Variants in CCNY observed in about 807,000 individuals in gnomAD.
CCNY encodes the protein cyclin-Y.
CCNY carries 19 observed loss-of-function variants against 42.8 expected under a neutral mutation model. The ratio of observed to expected loss-of-function variants is 0.44; its 90% confidence interval spans 0.31 to 0.65. The LOEUF is 0.65. Ranked by LOEUF, CCNY falls within the 30% of genes least tolerant of loss-of-function variation. The pLI, the probability that CCNY is intolerant of heterozygous loss-of-function variation, is 0.07. For missense variants in CCNY, 370 were observed against 437.3 expected (o/e 0.85, Z 1.37); for synonymous variants, 165 against 162.7 (o/e 1.01, Z -0.11).
chr10:35,262,061 G>GAA, intron 3 of CCNY, among the ~76,000 whole-genome samples: 1 of 125,110 alleles, frequency 8.0e-6, no homozygotes, highest in Non-Finnish European at 1.7e-5. Context: ...TCAGGAGTTC[G>GAA]AGACAGCCTG....
chr10:35,502,197 C>G (rs924286518), intron 3 of CCNY, among the ~76,000 whole-genome samples: 1 of 152,176 alleles, frequency 6.6e-6, no homozygotes, highest in Non-Finnish European at 1.5e-5. Context: ...ACTCCACACC[C>G]TATATACCAG....
intron 3 of CCNY, among the ~76,000 whole-genome samples, chr10:35,323,690 A>G (rs1054841723): frequency 2.6e-4 from 40 of 152,218 alleles, no homozygotes; most frequent in African/African-American, 9.4e-4. Flanking sequence ...GATTGTGGTG[A>G]TGGTGGTTAC....
chr10:35,465,385 G>A (rs1839238454), intron 1 of CCNY, among the ~76,000 whole-genome samples: 3 of 152,090 alleles, frequency 2.0e-5, no homozygotes, highest in Non-Finnish European at 4.4e-5. Context: ...ATATTTCTCT[G>A]ATACATGATT....
Position 35,364,568 on chromosome 10 carries a change from A to G in CCNY, c.154+27361A>G, listed in dbSNP as rs141173968. On this transcript the variant is annotated intron_variant, in intron 1 of 9. Transcript: ENST00000374704. ...TTGAGTGTGTTCATAAAAGTATAAA[A>G]TATTAAGAGATGACATACTTATTTA... 1.8e-3 allele frequency among the ~76,000 whole-genome samples: 272 copies of G among 152,352 alleles called. 1 individual carries two copies. The highest frequency in any genetic ancestry group is 2.6e-3 in the Non-Finnish European group (177 of 68,026).
intron 8 of CCNY, among the ~76,000 whole-genome samples, chr10:35,558,688 C>A (rs1265643594): frequency 6.6e-6 from 1 of 152,174 alleles, no homozygotes; most frequent in Non-Finnish European, 1.5e-5. Context: ...AGGACACAGA[C>A]AACACAGAGG....
intron 1 of CCNY, among the ~76,000 whole-genome samples, chr10:35,411,082 C>G (rs963635746): frequency 6.6e-6 from 1 of 152,138 alleles, no homozygotes; most frequent in Non-Finnish European, 1.5e-5. Flanking sequence ...ATACTCTGGC[C>G]TTGACCCTCA....
chr10:35,540,426 A>G (rs1056756529), intron 7 of CCNY, among the ~76,000 whole-genome samples: 2 of 152,192 alleles, frequency 1.3e-5, no homozygotes, highest in Admixed American at 1.3e-4. Flanking sequence ...TTCTTTTTAT[A>G]TGTCGCTGGA....
intron 1 of CCNY, among the ~76,000 whole-genome samples, chr10:35,393,064 G>A (rs958938902): frequency 1.3e-5 from 2 of 152,018 alleles, no homozygotes; most frequent in African/African-American, 2.4e-5. Flanking sequence ...CTCCCTCTGC[G>A]CATTGGTGCT....
At chr10:35,340,179 A>G (rs1286672378) in intron 1 of CCNY, among the ~76,000 whole-genome samples, 1 of 152,178 alleles carries the variant, frequency 6.6e-6, no homozygotes, top group Non-Finnish European at 1.5e-5. Context: ...CCAAAGTCAC[A>G]CAGCCAATAC....
intron 1 of CCNY, among the ~76,000 whole-genome samples, chr10:35,439,011 T>C: frequency 6.6e-6 from 1 of 152,222 alleles, no homozygotes; most frequent in South Asian, 2.1e-4. Flanking sequence ...TGTTTTCTGA[T>C]GAACAATCAG....
intron 1 of CCNY, among the ~76,000 whole-genome samples, chr10:35,478,978 T>G (rs1364071212): frequency 6.6e-6 from 1 of 152,120 alleles, no homozygotes; most frequent in Non-Finnish European, 1.5e-5. Context: ...AAGAAGACAT[T>G]TATGCAGCCA....
At chr10:35,383,121 C>A (rs765572653) in intron 1 of CCNY, among the ~76,000 whole-genome samples, 1 of 152,192 alleles carries the variant, frequency 6.6e-6, no homozygotes, top group South Asian at 2.1e-4. Flanking sequence ...GTGGGTTCTA[C>A]AGCTCCGATG....
intron 7 of CCNY, among the ~76,000 whole-genome samples, chr10:35,542,487 C>T (rs1841023562): frequency 6.7e-6 from 1 of 150,052 alleles, no homozygotes; most frequent in Non-Finnish European, 1.5e-5. Context: ...TGAGGTCACT[C>T]TGTGCAAACC....
At chr10:35,438,900 T>G (rs547178916) in intron 1 of CCNY, among the ~76,000 whole-genome samples, 102 of 152,316 alleles carry the variant, frequency 6.7e-4, no homozygotes, top group Non-Finnish European at 9.1e-4. Flanking sequence ...TGATTTCCTC[T>G]TCATTCCTTA....
At chr10:35,348,741 T>C (rs1836362465) in intron 1 of CCNY, among the ~76,000 whole-genome samples, 1 of 152,204 alleles carries the variant, frequency 6.6e-6, no homozygotes, top group African/African-American at 2.4e-5. Flanking sequence ...TTTGGGTGCC[T>C]GTGTGCTGTG....
intron 8 of CCNY, among the ~76,000 whole-genome samples, chr10:35,563,763 G>A (rs1207813200): frequency 6.6e-6 from 1 of 152,002 alleles, no homozygotes; most frequent in Non-Finnish European, 1.5e-5. Context: ...CTGGAGTGCA[G>A]TGGGGCAATC....
intron 3 of CCNY, among the ~76,000 whole-genome samples, chr10:35,504,077 A>T (rs1159245326): frequency 1.3e-5 from 2 of 152,056 alleles, no homozygotes; most frequent in South Asian, 2.1e-4. Context: ...ATTGTGAGGG[A>T]TGTTGTTTCT....
intron 3 of CCNY, among the ~76,000 whole-genome samples, chr10:35,312,382 CAAAAAAAAAAAAAAA>C (rs35909291): frequency 1.6e-5 from 1 of 61,466 alleles, no homozygotes; most frequent in Admixed American, 2.0e-4. Flanking sequence ...CTCTGTGTCA[CAAAAAAAAAAAAAAA>C]AAAAAAAAAA....
In CCNY at chr10:35,325,509, C is replaced by T. The variant is rs184369936; in HGVS notation, c.-9+74883C>T. Among the ~76,000 whole-genome samples, 478 of 139,942 alleles carry T rather than the reference C, an allele frequency of 3.4e-3. 4 individuals are homozygous for T. The highest frequency in any genetic ancestry group is 0.012 in the African/African-American group (450 of 37,494). 91.8% of individuals were successfully genotyped at this position (139,942 alleles called of 152,430 possible). A position where few individuals can be genotyped will look rare whatever the true frequency, so the allele number is the denominator to read the frequency against. On this transcript the variant is annotated intron_variant, in intron 3 of 11. Transcript: ENST00000374706. ...TTTTTTTTTTTTTGAGACAGAGTTT[C>T]GCTCTTGTTGCTCAGGCTGGAGTGC...
Sources: gnomAD v4.1 joint callset for allele counts (sites outside exome capture counted in the v4.1 genomes callset) on GRCh38, gnomAD v4.1.1 for gene constraint, MANE v1.5 for transcripts, NCBI Gene and HGNC (gene_info 2026-07-23, HGNC 2026-07-21) for gene names.